The following GPC5 variants were observed in gnomAD, a reference collection of about 807,000 sequenced individuals.
The protein encoded by GPC5 is glypican 5.
In GPC5, 47 loss-of-function variants were observed where a neutral mutation model predicts 53.9. The observed-to-expected ratio is 0.87, with a 90% CI of 0.69 to 1.11. The LOEUF (loss-of-function observed/expected upper bound fraction) is 1.11. Ranked by LOEUF, GPC5 falls within the 50% of genes most tolerant of loss-of-function variation. The probability of loss-of-function intolerance (pLI) is 0.00; values close to 1 mark genes in which losing one functional copy is unlikely to be tolerated. For missense variants in GPC5, 748 were observed against 713.1 expected (o/e 1.05, Z -0.56); for synonymous variants, 286 against 263.3 (o/e 1.09, Z -0.84).
intron 2 of GPC5, among the ~76,000 whole-genome samples, chr13:91,498,483 G>A (rs1161922429): frequency 6.6e-6 from 1 of 152,068 alleles, no homozygotes; most frequent in East Asian, 1.9e-4. Context: ...AAGGGAAGGG[G>A]AAGGACTTCA....
chr13:92,656,655 T>G (rs1886146917), intron 7 of GPC5, among the ~76,000 whole-genome samples: 1 of 152,262 alleles, frequency 6.6e-6, no homozygotes, highest in Non-Finnish European at 1.5e-5. Context: ...CTGCATTTGG[T>G]TGTTTTGGCT....
intron 7 of GPC5, among the ~76,000 whole-genome samples, chr13:92,643,934 A>G (rs1299115422): frequency 6.6e-6 from 1 of 152,238 alleles, no homozygotes; most frequent in Non-Finnish European, 1.5e-5. Context: ...TATGAACACT[A>G]AGGAAAATGC....
intron 2 of GPC5, among the ~76,000 whole-genome samples, chr13:91,640,194 A>G (rs1399015905): frequency 3.9e-5 from 6 of 152,222 alleles, no homozygotes; most frequent in Non-Finnish European, 7.3e-5. Context: ...CATTGGAGTG[A>G]ACAGGAAACC....
intron 6 of GPC5, among the ~76,000 whole-genome samples, chr13:91,947,898 T>A (rs1178534034): frequency 2.0e-5 from 3 of 152,084 alleles, no homozygotes; most frequent in Admixed American, 2.0e-4. Context: ...ATGATTGAGT[T>A]GATAGCACTT....
chr13:91,672,439 C>T (rs752131679), intron 2 of GPC5, among the ~76,000 whole-genome samples: 1 of 152,160 alleles, frequency 6.6e-6, no homozygotes, highest in South Asian at 2.1e-4. Flanking sequence ...TGAACAGGCA[C>T]TTCTCAAAAG....
At chr13:92,566,149 G>C (rs148426528) in intron 7 of GPC5, among the ~76,000 whole-genome samples, 4 of 151,960 alleles carry the variant, frequency 2.6e-5, no homozygotes, top group African/African-American at 7.2e-5. Context: ...GCCATGGAAA[G>C]GTGCATGTCT....
intron 7 of GPC5, among the ~76,000 whole-genome samples, chr13:92,727,407 C>T (rs1367529349): frequency 2.1e-5 from 3 of 146,210 alleles, no homozygotes; most frequent in African/African-American, 7.3e-5. Context: ...TCTACTTCCT[C>T]CATTTCTTTT....
intron 6 of GPC5, among the ~76,000 whole-genome samples, chr13:91,911,354 G>A (rs563932102): frequency 2.0e-5 from 3 of 152,148 alleles, no homozygotes; most frequent in East Asian, 3.9e-4. Context: ...GACCAGCCTG[G>A]CCAATATGGT....
rs192319080 is a variant in GPC5, at chr13:92,181,038, C to A, written c.1561+36049C>A. Among the ~76,000 whole-genome samples, 75 of 152,224 alleles carry A rather than the reference C, an allele frequency of 4.9e-4. No homozygotes were observed. The East Asian group carries it at 0.014, about 28-fold the overall frequency. ...CACACCAGTTGCCAAAACAAACAAA[C>A]AAACAAACAAAAATCAATTAATCCC... On this transcript the variant is annotated intron_variant, in intron 7 of 7. Transcript: ENST00000377067.
intron 1 of GPC5, among the ~76,000 whole-genome samples, chr13:91,428,734 T>C (rs1053371681): frequency 2.8e-5 from 4 of 144,834 alleles, no homozygotes; most frequent in African/African-American, 7.9e-5. Context: ...TTGAAAGGAA[T>C]TTTTTTTTTT....
intron 7 of GPC5, among the ~76,000 whole-genome samples, chr13:92,320,455 G>A (rs7985683): frequency 0.18 from 27,450 of 151,994 alleles, 3,141 homozygotes; most frequent in African/African-American, 0.32. Flanking sequence ...TAGCTGTTCA[G>A]CTTTTACCTT....
intron 2 of GPC5, among the ~76,000 whole-genome samples, chr13:91,632,734 GA>G (rs1242969731): frequency 1.3e-5 from 2 of 152,140 alleles, no homozygotes; most frequent in Admixed American, 6.5e-5. Flanking sequence ...TAGCAAAAAA[GA>G]AATGCTGCCT....
At chr13:91,922,241 A>G (rs1330718813) in intron 6 of GPC5, among the ~76,000 whole-genome samples, 1 of 152,200 alleles carries the variant, frequency 6.6e-6, no homozygotes, top group Non-Finnish European at 1.5e-5. Flanking sequence ...CTTTAAAAAT[A>G]TAAGTATTTT....
At chr13:92,768,704 G>T (rs1245524174) in intron 7 of GPC5, among the ~76,000 whole-genome samples, 1 of 151,634 alleles carries the variant, frequency 6.6e-6, no homozygotes, top group Non-Finnish European at 1.5e-5. Context: ...GCCAGTGGGA[G>T]TTCTTTGACT....
intron 2 of GPC5, among the ~76,000 whole-genome samples, chr13:91,690,342 A>T (rs2035731269): frequency 6.6e-6 from 1 of 152,144 alleles, no homozygotes; most frequent in Non-Finnish European, 1.5e-5. Context: ...TGTTTTAAAG[A>T]ATAAAACTGA....
At chr13:92,471,024 G>A (rs1878888951) in intron 7 of GPC5, among the ~76,000 whole-genome samples, 1 of 152,104 alleles carries the variant, frequency 6.6e-6, no homozygotes, top group African/African-American at 2.4e-5. Flanking sequence ...GAGACTGACT[G>A]TCATGTGACG....
intron 2 of GPC5, among the ~76,000 whole-genome samples, chr13:91,685,520 A>T (rs2035602800): frequency 6.6e-6 from 1 of 152,122 alleles, no homozygotes; most frequent in African/African-American, 2.4e-5. Flanking sequence ...GGAAAACAGC[A>T]CCCTTCACTT....
chr13:92,421,150 A>G (rs1876540646), intron 7 of GPC5, among the ~76,000 whole-genome samples: 1 of 152,208 alleles, frequency 6.6e-6, no homozygotes, highest in Admixed American at 6.5e-5. Flanking sequence ...GCCAAGTTCC[A>G]TAACTTGCCT....
chr13:92,279,055 C>T (rs551363110), intron 7 of GPC5, among the ~76,000 whole-genome samples: 1 of 152,040 alleles, frequency 6.6e-6, no homozygotes, highest in South Asian at 2.1e-4. Flanking sequence ...CCCATTTCTG[C>T]AAGAAGGGCC....
Sources: gnomAD v4.1 joint callset for allele counts (sites outside exome capture counted in the v4.1 genomes callset) on GRCh38, gnomAD v4.1.1 for gene constraint, MANE v1.5 for transcripts, NCBI Gene and HGNC (gene_info 2026-07-23, HGNC 2026-07-21) for gene names.